The following SALL2 variants were observed in gnomAD, a reference collection of about 807,000 sequenced individuals.
SALL2 encodes the protein sal-like protein 2.
Under a neutral mutation model 58.5 loss-of-function variants are expected in SALL2, and 32 were observed. The ratio of observed to expected loss-of-function variants is 0.55; its 90% CI spans 0.41 to 0.74. The LOEUF (loss-of-function observed/expected upper bound fraction) is 0.74. Ranked by LOEUF, SALL2 falls within the 30% of genes least tolerant of loss-of-function variation. SALL2 has a pLI of 0.00. For synonymous variants in SALL2, 516 were observed against 513.6 expected, an observed-to-expected ratio of 1.00 and a Z score of -0.06; for missense variants, 1,201 against 1,268.9, an observed-to-expected ratio of 0.95 and a Z score of 0.81.
chr14:21,526,865 T>C (rs1172947696), upstream of SALL2, among the ~76,000 whole-genome samples: 1 of 151,696 alleles, frequency 6.6e-6, no homozygotes, highest in African/African-American at 2.4e-5. Flanking sequence ...CCCATCCCTC[T>C]CCACAAAAGA....
rs750899619 is a variant in SALL2, at chr14:21,524,101, T to G, written c.1621A>C (p.Ser541Arg). ...CTTAGTTGCATGCGAGTTGCCGTGCTACTTTCTGCCACTCCACTGATGGCT... is the reference window on the plus strand; with the variant it reads ...CTTAGTTGCATGCGAGTTGCCGTGCGACTTTCTGCCACTCCACTGATGGCT... ...GSAISGVAES[S>R]TATRMQLSKL... Residue 541 changes from serine (S) to arginine (R), a missense_variant, in exon 2 of 2, where the codon AGC (serine) becomes CGC (arginine). Physicochemically the swap from Ser to Arg is moderately radical, Grantham distance 110. Coordinates refer to ENST00000537235, the MANE Select transcript of SALL2 (RefSeq NM_001364564.1). The G allele has an allele frequency of 6.2e-7, 1 of 1,613,986 alleles. No individual in the cohort carries two copies. The highest frequency in any genetic ancestry group is 1.1e-5 in the South Asian group (1 of 91,058).
At chr14:21,537,042 C>T in exon 1 of SALL2, 1 of 742,758 alleles carries the variant, frequency 1.3e-6, no homozygotes, top group South Asian at 1.6e-5. Context: ...GCGCAAATCA[C>T]TGTGAAGCAG....
At chr14:21,535,063 T>C (rs771856667) in intron 1 of SALL2, among the ~76,000 whole-genome samples, 4 of 152,148 alleles carry the variant, frequency 2.6e-5, no homozygotes, top group African/African-American at 4.8e-5. Context: ...GAAATGCTGA[T>C]GGCCGGGAGC....
chr14:21,527,870 G>T (rs1180312935), upstream of SALL2, among the ~76,000 whole-genome samples: 2 of 149,198 alleles, frequency 1.3e-5, no homozygotes, highest in Non-Finnish European at 3.0e-5. Context: ...AAAAAAAAAA[G>T]CCGGGCGCGG....
In SALL2 at chr14:21,524,710, C is replaced by G. The variant is rs775210773; in HGVS notation, c.1012G>C (p.Glu338Gln). 1.2e-6 allele frequency: 2 copies of G among 1,613,754 alleles called. No homozygotes were observed. The highest frequency in any genetic ancestry group is 1.7e-6 in the Non-Finnish European group (2 of 1,179,880). ...AGGAGCCCTGGGGAGGCAGTGGCCT[C>G]AAGGCCTCGGGCTGCCCCAAGACAC... The part of the protein sequence containing the change: ...AQCLGAARGL[E>Q]ATASPGLLKP... Residue 338 changes from glutamate (E) to glutamine (Q), a missense_variant, in exon 2 of 2, where the codon GAG becomes CAG. Coordinates refer to ENST00000537235, the MANE Select transcript of SALL2 (RefSeq NM_001364564.1).
Position 21,521,288 on chromosome 14 carries a change from C to A in SALL2, c.*1416G>T, listed in dbSNP as rs1474858259. The A allele has an allele frequency of 1.3e-5, 2 of 152,230 alleles. No homozygotes were observed. Among genetic ancestry groups the A allele is most frequent in the Non-Finnish European group, 2.9e-5 (2 of 68,090 alleles). The allele number at this position is 152,230 out of a possible 1,614,324, so 9.4% of individuals were successfully genotyped here. On this transcript the variant is annotated 3_prime_UTR_variant, in exon 2 of 2. Transcript: ENST00000537235. ...TAAGAGTAAATACTACAACTCATTA[C>A]AAGACGGAGAGGCAGGGAGGACGCC...
Position 21,525,436 on chromosome 14 carries a change from TG to T in SALL2, c.285del (p.Ser95ArgfsTer44), listed in dbSNP as rs1344407322. 6.2e-7 allele frequency: 1 copy of T among 1,613,918 alleles called. No individual in the cohort carries two copies. Among genetic ancestry groups the T allele is most frequent in the East Asian group, 2.2e-5 (1 of 44,858 alleles). ...ACGGAGGACCCAGAATCTGGGGGGTTGCTATGCTCTGTGTCCATGACCTGAG... is the reference window on the plus strand; with the variant it reads ...ACGGAGGACCCAGAATCTGGGGGGTTCTATGCTCTGTGTCCATGACCTGAG... Reference protein sequence around the residue: ...NNPQVMDTEHSNPPDSGSSVP... With the variant: ...NNPQVMDTEHXNPPDSGSSVP... On this transcript the variant is annotated frameshift_variant, in exon 2 of 2. Coordinates refer to ENST00000537235, the MANE Select transcript of SALL2 (RefSeq NM_001364564.1). LOFTEE classifies it high-confidence loss of function. This position sits in a 1 kb window ranked among gnomAD's most constrained non-coding sequence, Gnocchi z 4.4.
chr14:21,536,207 T>G (rs2073406673), intron 1 of SALL2, among the ~76,000 whole-genome samples: 1 of 152,210 alleles, frequency 6.6e-6, no homozygotes, highest in Non-Finnish European at 1.5e-5. Context: ...TTCTTGCACT[T>G]CTTTTGTTTT....
At chr14:21,530,259 C>A (rs1892421753), upstream of SALL2, among the ~76,000 whole-genome samples, 1 of 149,494 alleles carries the variant, frequency 6.7e-6, no homozygotes, top group South Asian at 2.1e-4. Flanking sequence ...GATATTTGAG[C>A]CATATTTCTT....
In SALL2 at chr14:21,522,787, A is replaced by G; in HGVS notation, c.2935T>C (p.Ser979Pro). 1 of 1,595,788 alleles carries G rather than the reference A, an allele frequency of 6.3e-7. No individual in the cohort carries two copies. Among genetic ancestry groups the G allele is most frequent in the Non-Finnish European group, 8.5e-7 (1 of 1,172,396 alleles). ...PHGPQNIAALSLVPGCSPSIT... is the reference protein window; with the variant it reads ...PHGPQNIAALPLVPGCSPSIT... Reference sequence around the variant, plus strand: ...GAAGGCGAACAGCCAGGGACTAGAGAAAGAGCAGCAATATTCTGAGGGCCA... The same window carrying G: ...GAAGGCGAACAGCCAGGGACTAGAGGAAGAGCAGCAATATTCTGAGGGCCA... The change falls in exon 2 of 2, where the codon TCT becomes CCT. Residue 979 changes from serine to proline, a missense_variant. By Grantham distance (74) the Ser-to-Pro change is moderately conservative (BLOSUM62 -1). This residue lies in a region of SALL2 where 675 missense variants were observed against 683.8 expected (regional missense o/e 0.99). Transcript: ENST00000537235.
Position 21,524,811 on chromosome 14 carries a change from A to G in SALL2, c.911T>C (p.Leu304Ser). The G allele has an allele frequency of 6.2e-7, 1 of 1,610,066 alleles. No homozygotes were observed. Among genetic ancestry groups the G allele is most frequent in the Non-Finnish European group, 8.5e-7 (1 of 1,178,032 alleles). ...AATCAGCTGATCTGTGCTGCCTGGC[A>G]AGGCTGGGGAAGGGGCAGGGGTGGG... ...HKPTPAPSPA[L>S]PGSTDQLIAS... The change falls in exon 2 of 2, where the codon TTG becomes TCG. Residue 304 changes from leucine (L) to serine (S), a missense_variant. Leu to Ser is a moderately radical substitution (Grantham distance 145, BLOSUM62 -2). Transcript: ENST00000537235.
chr14:21,525,080 C>A lies in SALL2; in HGVS notation c.642G>T (p.Thr214=), dbSNP rs558593053. ...CTGAGGGACTGGCAGGGGCACCCAC[C>A]GTCTGGCCTAAGGAGCCAAGCAACA... ...QVLLLGSLGQ[T]VGAPASPSEL... is the part of the protein sequence containing the mutation. The change falls in exon 2 of 2, where the codon ACG becomes ACT. Residue 214 remains threonine, a synonymous_variant. Coordinates refer to ENST00000537235, the MANE Select transcript of SALL2 (RefSeq NM_001364564.1). The surrounding 1 kb of genome is among the most constrained non-coding windows in gnomAD (Gnocchi z 4.4). 1.1e-5 allele frequency: 17 copies of A among 1,614,108 alleles called. No homozygotes were observed. The highest frequency in any genetic ancestry group is 1.4e-5 in the Non-Finnish European group (16 of 1,179,994).
intron 1 of SALL2, among the ~76,000 whole-genome samples, chr14:21,532,253 T>C (rs1892485076): frequency 1.3e-5 from 2 of 152,166 alleles, no homozygotes; most frequent in Admixed American, 1.3e-4. Context: ...AGTCCATTAA[T>C]ATGAAATTTG....
Position 21,534,843 on chromosome 14 carries a change from A to T in SALL2, c.-114+2119T>A, listed in dbSNP as rs555088705. On this transcript the variant is annotated intron_variant, in intron 1 of 1. Coordinates refer to the SALL2 transcript ENST00000541965. Reference sequence around the variant, plus strand: ...GGATGCCATCACCATAGAACCTCTAAATATGGGCACAGTAGGATCCCAGAA... The same window carrying T: ...GGATGCCATCACCATAGAACCTCTATATATGGGCACAGTAGGATCCCAGAA... Among the ~76,000 whole-genome samples, 3 of 152,244 alleles carry T rather than the reference A, an allele frequency of 2.0e-5. No homozygotes were observed. The East Asian group carries it at 5.8e-4, about 29-fold the overall frequency.
At chr14:21,529,957 G>A (rs1892414276), upstream of SALL2, among the ~76,000 whole-genome samples, 4 of 152,282 alleles carry the variant, frequency 2.6e-5, no homozygotes, top group South Asian at 8.3e-4. Flanking sequence ...CCCACATGGA[G>A]GACTGCCCTT....
In SALL2 at chr14:21,526,077, C is replaced by A; in HGVS notation, c.51G>T (p.Glu17Asp). 1.3e-6 allele frequency: 2 copies of A among 1,536,388 alleles called. No individual in the cohort carries two copies. Among genetic ancestry groups the A allele is most frequent in the Middle Eastern group, 3.4e-4 (2 of 5,950 alleles). Residue 17 changes from glutamate (E) to aspartate (D), a missense_variant, in exon 1 of 2, where the codon GAG becomes GAT. Physicochemically the swap from Glu to Asp is conservative, Grantham distance 45 (BLOSUM62 2). Transcript: ENST00000537235. ...CTACCGCACCTCCGAGCTCTGCCGG[C>A]TCCCCGCAGGGCACCCCGAGACGAG... Reference protein sequence around the residue: ...RSSRLGVPCGEPAELGGDASE... With the variant: ...RSSRLGVPCGDPAELGGDASE...
Position 21,522,036 on chromosome 14 carries a change from G to C in SALL2, c.*668C>G. 6.3e-7 allele frequency: 1 copy of C among 1,595,344 alleles called. No individual in the cohort carries two copies. The highest frequency in any genetic ancestry group is 1.1e-5 in the South Asian group (1 of 90,246). ...CTTCTTGTCTATGATGGGCTTCTCAGGCACTGCCTTGGGTGCAGGAGGCTG... is the reference window on the plus strand; with the variant it reads ...CTTCTTGTCTATGATGGGCTTCTCACGCACTGCCTTGGGTGCAGGAGGCTG... On this transcript the variant is annotated 3_prime_UTR_variant, in exon 2 of 2. Coordinates refer to ENST00000537235, the MANE Select transcript of SALL2 (RefSeq NM_001364564.1).
At chr14:21,534,857 A>T (rs1351784243) in intron 1 of SALL2, among the ~76,000 whole-genome samples, 1 of 152,194 alleles carries the variant, frequency 6.6e-6, no homozygotes, top group Non-Finnish European at 1.5e-5. Flanking sequence ...TGGGCACAGT[A>T]GGATCCCAGA....
At chr14:21,536,826 C>T (rs761310125) in intron 1 of SALL2, 5 of 1,612,096 alleles carry the variant, frequency 3.1e-6, no homozygotes, top group Middle Eastern at 1.7e-4. Context: ...CTTAGGGGCC[C>T]CCACCCCTCC....
Sources: allele counts gnomAD v4.1 joint callset (sites outside exome capture counted in the v4.1 genomes callset), GRCh38; gene constraint gnomAD v4.1.1; regional missense constraint gnomAD v4.1.1; non-coding constraint Gnocchi (gnomAD v3.1); transcripts MANE v1.5; gene names NCBI Gene and HGNC (gene_info 2026-07-23, HGNC 2026-07-21).